Variants in NDUFS4 observed in about 807,000 individuals in gnomAD.
NDUFS4 encodes the protein NADH dehydrogenase [ubiquinone] iron-sulfur protein 4, mitochondrial.
A neutral mutation model predicts 24.3 loss-of-function variants in NDUFS4; 28 were observed. The observed-to-expected ratio is 1.15, with a 90% CI of 0.85 to 1.58. The LOEUF is 1.58. Among genes scored for constraint, NDUFS4 ranks in the 40% most tolerant of loss-of-function variants. The pLI is 0.00. For missense variants in NDUFS4, 223 were observed against 207.9 expected, an observed-to-expected ratio of 1.07 and a Z score of -0.45; for synonymous variants, 93 against 69.7, an observed-to-expected ratio of 1.34 and a Z score of -1.67.
At chr5:53,579,605 A>G (rs1749493366) in intron 1 of NDUFS4, among the ~76,000 whole-genome samples, 2 of 152,188 alleles carry the variant, frequency 1.3e-5, no homozygotes, top group African/African-American at 2.4e-5. Flanking sequence ...AGTCCCAGCT[A>G]CTTGGAAGGC....
intron 1 of NDUFS4, among the ~76,000 whole-genome samples, chr5:53,599,982 TTTTA>T (rs1057413175): frequency 1.1e-4 from 16 of 152,026 alleles, no homozygotes; most frequent in Non-Finnish European, 1.8e-4. Context: ...TAGGTATAAT[TTTTA>T]TTTATTTATT....
intron 1 of NDUFS4, among the ~76,000 whole-genome samples, chr5:53,564,570 C>T (rs1210485084): frequency 6.6e-6 from 1 of 152,178 alleles, no homozygotes; most frequent in African/African-American, 2.4e-5. Context: ...GACAGAGTCT[C>T]ATTCTGTTGC....
chr5:53,583,762 G>A (rs987929615), intron 1 of NDUFS4, among the ~76,000 whole-genome samples: 3 of 152,118 alleles, frequency 2.0e-5, no homozygotes, highest in South Asian at 2.1e-4. Context: ...AAGATAAGAC[G>A]CACTGGTGGG....
chr5:53,614,423 T>G (rs1039376637), intron 2 of NDUFS4, among the ~76,000 whole-genome samples: 13 of 151,920 alleles, frequency 8.6e-5, no homozygotes, highest in African/African-American at 3.1e-4. Flanking sequence ...TTAAATTGTT[T>G]AAGGAACAAA....
At chr5:53,579,550 T>A (rs1383350935) in intron 1 of NDUFS4, among the ~76,000 whole-genome samples, 2 of 152,094 alleles carry the variant, frequency 1.3e-5, no homozygotes, top group African/African-American at 2.4e-5. Flanking sequence ...TCCAAAAAAG[T>A]AAAATCAAAT....
intron 1 of NDUFS4, among the ~76,000 whole-genome samples, chr5:53,579,676 A>G (rs748165068): frequency 1.3e-5 from 2 of 152,184 alleles, no homozygotes; most frequent in Non-Finnish European, 2.9e-5. Context: ...TGATTGCGCC[A>G]CTGCACCCCA....
chr5:53,610,552 A>C (rs1750662847), intron 2 of NDUFS4, among the ~76,000 whole-genome samples: 1 of 152,166 alleles, frequency 6.6e-6, no homozygotes, highest in South Asian at 2.1e-4. Flanking sequence ...AAAAAAACAA[A>C]AAAAAAGAAG....
intron 4 of NDUFS4, among the ~76,000 whole-genome samples, chr5:53,665,238 A>C (rs1752477971): frequency 6.6e-6 from 1 of 152,144 alleles, no homozygotes; most frequent in South Asian, 2.1e-4. Flanking sequence ...GTCTGACCCT[A>C]CTGGGGGGTG....
At chr5:53,626,044 A>G (rs1283489639) in intron 2 of NDUFS4, among the ~76,000 whole-genome samples, 1 of 150,912 alleles carries the variant, frequency 6.6e-6, no homozygotes, top group Non-Finnish European at 1.5e-5. Flanking sequence ...CTAGCCCCCC[A>G]CCCTCTGATG....
chr5:53,679,266 T>C (rs1217475187), intron 4 of NDUFS4, among the ~76,000 whole-genome samples: 2 of 152,136 alleles, frequency 1.3e-5, no homozygotes, highest in Admixed American at 1.3e-4. Flanking sequence ...TCCCTACACA[T>C]CCTAACAATC....
At chr5:53,576,307 G>A (rs1749386623) in intron 1 of NDUFS4, among the ~76,000 whole-genome samples, 1 of 144,614 alleles carries the variant, frequency 6.9e-6, no homozygotes. Flanking sequence ...CAGATGGCTG[G>A]CTTAGGCAAG....
At chr5:53,592,195 G>A (rs932240663) in intron 1 of NDUFS4, among the ~76,000 whole-genome samples, 3 of 151,914 alleles carry the variant, frequency 2.0e-5, no homozygotes, top group Non-Finnish European at 2.9e-5. Context: ...CAAGTGATCC[G>A]CCCGCCTCGG....
chr5:53,640,624 C>G (rs1457954062), intron 2 of NDUFS4, among the ~76,000 whole-genome samples: 1 of 151,980 alleles, frequency 6.6e-6, no homozygotes, highest in Non-Finnish European at 1.5e-5. Context: ...GGAACTCTTG[C>G]AGAAACTAAT....
chr5:53,598,042 A>G (rs1315693050), intron 1 of NDUFS4, among the ~76,000 whole-genome samples: 4 of 152,218 alleles, frequency 2.6e-5, no homozygotes, highest in African/African-American at 9.6e-5. Flanking sequence ...ACAAATTAAA[A>G]CAACAATGAA....
At chr5:53,598,614 TATAA>T (rs1164821390) in intron 1 of NDUFS4, among the ~76,000 whole-genome samples, 7 of 152,162 alleles carry the variant, frequency 4.6e-5, no homozygotes, top group African/African-American at 1.4e-4. Flanking sequence ...AAGATGTTTA[TATAA>T]ATAAATATAC....
At chr5:53,651,202 A>G (rs1416061111) in intron 3 of NDUFS4, among the ~76,000 whole-genome samples, 1 of 152,034 alleles carries the variant, frequency 6.6e-6, no homozygotes, top group Non-Finnish European at 1.5e-5. Flanking sequence ...ATTATTATTT[A>G]AAATATTTAC....
At chr5:53,615,742 G>A (rs1198634211) in intron 2 of NDUFS4, among the ~76,000 whole-genome samples, 1 of 151,904 alleles carries the variant, frequency 6.6e-6, no homozygotes, top group Admixed American at 6.6e-5. Flanking sequence ...AGTTGATGAG[G>A]GTTTTTAAAA....
chr5:53,683,220 A>C lies in NDUFS4; in HGVS notation c.527A>C (p.Ter176SerextTer9). 1 of 1,589,478 alleles carries C rather than the reference A, an allele frequency of 6.3e-7. No individual in the cohort carries two copies. The highest frequency in any genetic ancestry group is 8.6e-7 in the Non-Finnish European group (1 of 1,157,974). Reference sequence around the variant, plus strand: ...AAAAGAACAAGAGTATCCACAAAATAGGTTGGCACTGACTATATCTCTGCT... The same window carrying C: ...AAAAGAACAAGAGTATCCACAAAATCGGTTGGCACTGACTATATCTCTGCT... ...WNKRTRVSTK[*>S] The change falls in exon 5 of 5, where the codon TAG (stop) becomes TCG (serine). Residue 176 changes from the stop codon to serine (S), a stop_lost. Coordinates refer to ENST00000296684, the MANE Select transcript of NDUFS4 (RefSeq NM_002495.4).
At chr5:53,586,356 C>G (rs913485919) in intron 1 of NDUFS4, among the ~76,000 whole-genome samples, 1 of 144,250 alleles carries the variant, frequency 6.9e-6, no homozygotes, top group African/African-American at 2.5e-5. Context: ...CAAACCAAAA[C>G]AAAAAACTCA....
Sources: gnomAD v4.1 joint callset for allele counts (sites outside exome capture counted in the v4.1 genomes callset) on GRCh38, gnomAD v4.1.1 for gene constraint, MANE v1.5 for transcripts, NCBI Gene and HGNC (gene_info 2026-07-23, HGNC 2026-07-21) for gene names.